Variants in SLC38A4 observed in about 807,000 individuals in gnomAD.
The protein encoded by SLC38A4 is sodium-coupled neutral amino acid transporter 4.
A neutral mutation model predicts 63.1 loss-of-function variants in SLC38A4; 20 were observed. The ratio of observed to expected loss-of-function variants is 0.32; its 90% confidence interval spans 0.22 to 0.46. SLC38A4 has a LOEUF of 0.46. Among genes scored for constraint, SLC38A4 ranks in the 20% least tolerant of loss-of-function variants. SLC38A4 has a pLI of 1.00. For synonymous variants in SLC38A4, 230 were observed against 225.5 expected, an observed-to-expected ratio of 1.02 and a Z score of -0.18; for missense variants, 526 against 663.6, an observed-to-expected ratio of 0.79 and a Z score of 2.28.
At chr12:46,786,755 A>G (rs1938769612) in intron 5 of SLC38A4, among the ~76,000 whole-genome samples, 1 of 152,190 alleles carries the variant, frequency 6.6e-6, no homozygotes, top group Non-Finnish European at 1.5e-5. Context: ...TATACATAAA[A>G]GAGTTCAATC....
chr12:46,812,302 G>A lies in SLC38A4; in HGVS notation c.-304-8508C>T, dbSNP rs550981346. Among the ~76,000 whole-genome samples the A allele has an allele frequency of 5.6e-4, 85 of 152,002 alleles. 2 individuals carry two copies. Among genetic ancestry groups the A allele is most frequent in the African/African-American group, 1.9e-3 (79 of 41,518 alleles). On this transcript the variant is annotated intron_variant, in intron 1 of 16. Coordinates refer to ENST00000266579, the MANE Select transcript of SLC38A4 (RefSeq NM_018018.5). ...GCTGATGGCATTTCCTTTGATGTTT[G>A]CTTAAGACTTTTAGCATTAGCTTTT... is the stretch of plus-strand genomic sequence containing the variant.
chr12:46,806,834 A>G (rs78979556), intron 1 of SLC38A4, among the ~76,000 whole-genome samples: 6,601 of 152,062 alleles, frequency 0.043, 358 homozygotes, highest in African/African-American at 0.12. Flanking sequence ...AAATACAAGA[A>G]TGTTGGCTCA....
intron 1 of SLC38A4, among the ~76,000 whole-genome samples, chr12:46,812,000 C>G (rs529790244): frequency 1.3e-5 from 2 of 152,022 alleles, no homozygotes; most frequent in Non-Finnish European, 2.9e-5. Context: ...CATATTTCAA[C>G]TTGTCTTAAT....
chr12:46,765,736 AATAAGATTATATAC>A lies in SLC38A4; in HGVS notation c.*951_*964del, dbSNP rs909104109. The A allele has an allele frequency of 9.1e-5, 16 of 174,924 alleles. No individual in the cohort carries two copies. Among genetic ancestry groups the A allele is most frequent in the African/African-American group, 3.9e-4 (16 of 41,550 alleles). The allele number at this position is 174,924 out of a possible 1,614,324, so 10.8% of individuals were successfully genotyped here. ...TACATTAACATTCTGATGACTACAGAATAAGATTATATACATAAACATATAGCAAATCACAGTTT... is the reference window on the plus strand; with the variant it reads ...TACATTAACATTCTGATGACTACAGAATAAACATATAGCAAATCACAGTTT... On this transcript the variant is annotated 3_prime_UTR_variant, in exon 17 of 17. Coordinates refer to ENST00000266579, the MANE Select transcript of SLC38A4 (RefSeq NM_018018.5).
At chr12:46,801,112 A>C (rs571901874) in intron 2 of SLC38A4, among the ~76,000 whole-genome samples, 1 of 152,166 alleles carries the variant, frequency 6.6e-6, no homozygotes, top group African/African-American at 2.4e-5. Flanking sequence ...TGTTAATTCA[A>C]TTGACTCTTC....
intron 2 of SLC38A4, among the ~76,000 whole-genome samples, chr12:46,793,446 TA>T (rs1372529520): frequency 6.6e-6 from 1 of 152,100 alleles, no homozygotes; most frequent in East Asian, 1.9e-4. Flanking sequence ...CAGGTTTTAC[TA>T]GTCACTATGG....
chr12:46,806,045 A>G (rs1939224293), intron 1 of SLC38A4, among the ~76,000 whole-genome samples: 1 of 151,740 alleles, frequency 6.6e-6, no homozygotes, highest in South Asian at 2.1e-4. Context: ...GATTTCAGAG[A>G]GCCCACAGAC....
At chr12:46,822,603 T>A (rs1939572703) in intron 1 of SLC38A4, among the ~76,000 whole-genome samples, 2 of 152,258 alleles carry the variant, frequency 1.3e-5, no homozygotes, top group South Asian at 4.2e-4. Flanking sequence ...AAAGATAGGA[T>A]CCCTGTCTCC....
At chr12:46,769,174 A>G (rs6582676) in intron 15 of SLC38A4, 110 bp downstream of exon 15, 35,767 of 1,227,766 alleles carry the variant, frequency 0.029, 3,919 homozygotes, top group African/African-American at 0.26. Context: ...AAGGGAATCC[A>G]TGAGCCTGAG....
intron 1 of SLC38A4, among the ~76,000 whole-genome samples, chr12:46,808,626 A>G (rs895241211): frequency 6.6e-6 from 1 of 151,992 alleles, no homozygotes; most frequent in Non-Finnish European, 1.5e-5. Flanking sequence ...TATTGATCCC[A>G]CACTGAAATG....
intron 13 of SLC38A4, 91 bp from the exon 14 acceptor site, chr12:46,775,264 A>G (rs1282716719): frequency 2.0e-6 from 3 of 1,465,374 alleles, no homozygotes; most frequent in Admixed American, 4.5e-5. Context: ...AACACAGAAC[A>G]GAGGAAAAGA....
chr12:46,816,618 T>G (rs1194958308), intron 1 of SLC38A4, among the ~76,000 whole-genome samples: 1 of 151,874 alleles, frequency 6.6e-6, no homozygotes, highest in Non-Finnish European at 1.5e-5. Flanking sequence ...GGCCTAAACC[T>G]TATAGGGAAT....
intron 14 of SLC38A4, among the ~76,000 whole-genome samples, chr12:46,770,297 A>G (rs1463596796): frequency 7.0e-6 from 1 of 143,550 alleles, no homozygotes; most frequent in Non-Finnish European, 1.6e-5. Context: ...ATTTTAAAAT[A>G]AAATTTTAAA....
intron 6 of SLC38A4, 64 bp from the exon 7 acceptor site, chr12:46,784,698 A>G: frequency 7.8e-7 from 1 of 1,280,362 alleles, no homozygotes; most frequent in Non-Finnish European, 1.1e-6. Flanking sequence ...TATTTTTGTC[A>G]TATAATTCCA....
intron 2 of SLC38A4, among the ~76,000 whole-genome samples, chr12:46,795,863 G>A (rs1010119489): frequency 5.3e-5 from 8 of 151,710 alleles, no homozygotes; most frequent in Non-Finnish European, 1.0e-4. Context: ...CTTTCATCAC[G>A]ACGTGACTAG....
At chr12:46,800,097 A>G (rs1410014258) in intron 2 of SLC38A4, among the ~76,000 whole-genome samples, 1 of 152,132 alleles carries the variant, frequency 6.6e-6, no homozygotes, top group Non-Finnish European at 1.5e-5. Context: ...GCTGTTTGCC[A>G]TCTCAGAACA....
intron 14 of SLC38A4, among the ~76,000 whole-genome samples, chr12:46,770,339 T>G (rs1196375289): frequency 6.6e-6 from 1 of 151,868 alleles, no homozygotes; most frequent in East Asian, 1.9e-4. Context: ...GTTTTTGTGT[T>G]TGCTCCTTCC....
intron 15 of SLC38A4, 96 bp downstream of exon 15, chr12:46,769,188 G>GAA (rs1938359643): frequency 7.4e-7 from 1 of 1,355,968 alleles, no homozygotes; most frequent in East Asian, 2.3e-5. Flanking sequence ...GCCTGAGAAA[G>GAA]AACGGGGATC....
At chr12:46,771,398 G>T (rs1429112682) in intron 14 of SLC38A4, among the ~76,000 whole-genome samples, 1 of 152,054 alleles carries the variant, frequency 6.6e-6, no homozygotes, top group South Asian at 2.1e-4. Context: ...TGTTAAAAAG[G>T]TGCATTCAAG....
Sources: gnomAD v4.1 joint callset for allele counts (sites outside exome capture counted in the v4.1 genomes callset) on GRCh38, gnomAD v4.1.1 for gene constraint, MANE v1.5 for transcripts, NCBI Gene and HGNC (gene_info 2026-07-23, HGNC 2026-07-21) for gene names.